Variants in ADGRB3 observed in about 807,000 individuals in gnomAD.
The protein encoded by ADGRB3 is adhesion G protein-coupled receptor B3, also known as brain-specific angiogenesis inhibitor 3.
A neutral mutation model predicts 193.4 loss-of-function variants in ADGRB3; 37 were observed. The observed-to-expected ratio is 0.19, with a 90% CI of 0.15 to 0.25. The LOEUF is 0.25. Ranked by LOEUF, ADGRB3 falls within the 10% of genes least tolerant of loss-of-function variation. The probability of loss-of-function intolerance (pLI) is 1.00; values close to 1 mark genes in which losing one functional copy is unlikely to be tolerated. For synonymous variants in ADGRB3, 690 were observed against 644.2 expected (o/e 1.07, Z -1.08); for missense variants, 1,637 against 1,852.9 (o/e 0.88, Z 2.14).
At chr6:68,681,087 G>A (rs781537797) in intron 3 of ADGRB3, among the ~76,000 whole-genome samples, 1 of 152,068 alleles carries the variant, frequency 6.6e-6, no homozygotes, top group Admixed American at 6.6e-5. Flanking sequence ...TAGGCAGAAA[G>A]AAGAGGGCAA....
At chr6:68,807,781 G>A (rs1767435678) in intron 3 of ADGRB3, among the ~76,000 whole-genome samples, 1 of 151,784 alleles carries the variant, frequency 6.6e-6, no homozygotes, top group South Asian at 2.1e-4. Flanking sequence ...TTTTTTTCTA[G>A]GAGATACTAT....
intron 3 of ADGRB3, among the ~76,000 whole-genome samples, chr6:68,891,010 G>A (rs945126430): frequency 6.6e-5 from 10 of 152,176 alleles, no homozygotes; most frequent in Admixed American, 5.2e-4. Context: ...ACCTGAGACT[G>A]GGAAGAAAAA....
intron 8 of ADGRB3, 77 bp downstream of exon 8, chr6:68,956,886 G>A: frequency 6.6e-7 from 1 of 1,505,948 alleles, no homozygotes; most frequent in Non-Finnish European, 9.0e-7. Context: ...TATTGTCATT[G>A]GTTAAGGGTC....
intron 27 of ADGRB3, among the ~76,000 whole-genome samples, chr6:69,354,979 C>T (rs1769308423): frequency 6.6e-6 from 1 of 152,080 alleles, no homozygotes; most frequent in Non-Finnish European, 1.5e-5. Flanking sequence ...GACAGTTTTA[C>T]TTTTACAGTA....
intron 17 of ADGRB3, among the ~76,000 whole-genome samples, chr6:69,205,019 T>G (rs1422442944): frequency 1.3e-5 from 2 of 152,198 alleles, no homozygotes; most frequent in Non-Finnish European, 2.9e-5. Context: ...AAATTTTTCC[T>G]GTAATATGCT....
intron 8 of ADGRB3, among the ~76,000 whole-genome samples, chr6:68,958,028 C>T (rs936652225): frequency 3.9e-5 from 6 of 151,956 alleles, no homozygotes; most frequent in African/African-American, 1.5e-4. Context: ...TGGCGAAACC[C>T]CGTCTCTACT....
intron 3 of ADGRB3, among the ~76,000 whole-genome samples, chr6:68,693,245 GT>G: frequency 6.6e-6 from 1 of 151,776 alleles, no homozygotes; most frequent in South Asian, 2.1e-4. Flanking sequence ...TGATATCACT[GT>G]TTTAAAAGTT....
intron 3 of ADGRB3, among the ~76,000 whole-genome samples, chr6:68,829,266 A>T (rs1393904955): frequency 6.6e-6 from 1 of 150,796 alleles, no homozygotes; most frequent in East Asian, 1.9e-4. Context: ...TGCCCAGCTA[A>T]TTTTTTTTTA....
At chr6:69,303,261 T>C (rs960489002) in intron 20 of ADGRB3, among the ~76,000 whole-genome samples, 2 of 151,774 alleles carry the variant, frequency 1.3e-5, no homozygotes, top group African/African-American at 4.8e-5. Context: ...ACTGGTGCTG[T>C]ATAGGAACAT....
intron 19 of ADGRB3, among the ~76,000 whole-genome samples, chr6:69,235,714 AG>A (rs1393753956): frequency 1.3e-5 from 2 of 152,010 alleles, no homozygotes; most frequent in Non-Finnish European, 2.9e-5. Flanking sequence ...TACATAAACA[AG>A]GGGAAGTTAT....
At chr6:68,828,839 C>T (rs548299511) in intron 3 of ADGRB3, among the ~76,000 whole-genome samples, 1 of 152,198 alleles carries the variant, frequency 6.6e-6, no homozygotes, top group Admixed American at 6.5e-5. Context: ...AATTCCATAA[C>T]CACGGGATAG....
chr6:68,961,000 G>A (rs951222047), intron 8 of ADGRB3, among the ~76,000 whole-genome samples: 4 of 152,082 alleles, frequency 2.6e-5, no homozygotes, highest in Non-Finnish European at 5.9e-5. Flanking sequence ...GGAGAAAGTT[G>A]AAATATCACC....
Position 69,225,072 on chromosome 6 carries a change from G to C in ADGRB3, c.2481-8218G>C, listed in dbSNP as rs564568678. ...CTGCATTGTAACCTGTTGGGAGATT[G>C]ATCCCCACCTCAAAGTAAAAGCATA... is the stretch of plus-strand genomic sequence containing the variant. On this transcript the variant is annotated intron_variant, in intron 17 of 31. Transcript: ENST00000370598. Among the ~76,000 whole-genome samples the C allele has an allele frequency of 5.9e-5, 9 of 152,180 alleles. 1 individual carries two copies. The South Asian group carries it at 1.9e-3, about 32-fold the overall frequency.
chr6:68,803,012 A>G (rs1767340779), intron 3 of ADGRB3, among the ~76,000 whole-genome samples: 1 of 151,980 alleles, frequency 6.6e-6, no homozygotes, highest in Non-Finnish European at 1.5e-5. Context: ...TTTTCTAGCT[A>G]TATGCTTTGT....
chr6:69,236,577 A>G (rs1010450066), intron 19 of ADGRB3, among the ~76,000 whole-genome samples: 1 of 152,030 alleles, frequency 6.6e-6, no homozygotes, highest in African/African-American at 2.4e-5. Context: ...GGCAGCATTT[A>G]AAGACTAGGA....
intron 17 of ADGRB3, among the ~76,000 whole-genome samples, chr6:69,098,716 C>T (rs1340270477): frequency 8.5e-5 from 13 of 152,128 alleles, no homozygotes; most frequent in Admixed American, 8.5e-4. Context: ...CAAAACCAAA[C>T]CGTATCAATA....
intron 17 of ADGRB3, among the ~76,000 whole-genome samples, chr6:69,154,197 G>A (rs1424611077): frequency 1.3e-5 from 2 of 152,106 alleles, no homozygotes; most frequent in Non-Finnish European, 2.9e-5. Flanking sequence ...ATCAATGTCA[G>A]TGTTTTAGGA....
At chr6:69,165,574 C>T (rs1371804363) in intron 17 of ADGRB3, among the ~76,000 whole-genome samples, 2 of 152,058 alleles carry the variant, frequency 1.3e-5, no homozygotes, top group Admixed American at 1.3e-4. Flanking sequence ...AACAAGCTCA[C>T]ATTCTGCCTC....
At chr6:69,290,022 TGCACACACACCTCAGGACCAGAA>T (rs1193426911) in intron 20 of ADGRB3, among the ~76,000 whole-genome samples, 2 of 152,052 alleles carry the variant, frequency 1.3e-5, no homozygotes, top group Non-Finnish European at 2.9e-5. Flanking sequence ...TGGTTACTGA[TGCACACACACCTCAGGACCAGAA>T]TTGTGGCACA....
Sources: gnomAD v4.1 joint callset for allele counts (sites outside exome capture counted in the v4.1 genomes callset) on GRCh38, gnomAD v4.1.1 for gene constraint, MANE v1.5 for transcripts, NCBI Gene and HGNC (gene_info 2026-07-23, HGNC 2026-07-21) for gene names.